The following GPD2 variants were observed in gnomAD, a reference collection of about 807,000 sequenced individuals.
GPD2 encodes the protein glycerol-3-phosphate dehydrogenase 2.
A neutral mutation model predicts 82.4 loss-of-function variants in GPD2; 54 were observed. The ratio of observed to expected loss-of-function variants is 0.66; its 90% CI spans 0.53 to 0.82. The LOEUF (loss-of-function observed/expected upper bound fraction) is 0.82. Among genes scored for constraint, GPD2 ranks in the 40% least tolerant of loss-of-function variants. The pLI, the probability that GPD2 is intolerant of heterozygous loss-of-function variation, is 0.00. For missense variants in GPD2, 748 were observed against 896.2 expected (o/e 0.83, Z 2.11); for synonymous variants, 288 against 306.1 (o/e 0.94, Z 0.62).
intron 6 of GPD2, among the ~76,000 whole-genome samples, chr2:156,540,664 G>T (rs1022136388): frequency 2.6e-5 from 4 of 152,204 alleles, no homozygotes; most frequent in South Asian, 4.1e-4. Flanking sequence ...GAAGTCCTCT[G>T]TAGTAAGATT....
chr2:156,415,745 C>T, the GPD2 span, among the ~76,000 whole-genome samples: 6 of 152,108 alleles, frequency 3.9e-5, no homozygotes, highest in African/African-American at 1.4e-4. Flanking sequence ...ATCCCAGCTA[C>T]TCAGGAGGCT....
upstream of GPD2, among the ~76,000 whole-genome samples, chr2:156,433,218 C>G (rs760762791): frequency 2.6e-5 from 4 of 152,176 alleles, no homozygotes; most frequent in Non-Finnish European, 5.9e-5. Context: ...CAGCCCATTC[C>G]CAAAGCAGAC....
At chr2:156,572,907 A>T (rs1164411383) in intron 13 of GPD2, among the ~76,000 whole-genome samples, 1 of 152,168 alleles carries the variant, frequency 6.6e-6, no homozygotes, top group Non-Finnish European at 1.5e-5. Context: ...TGGGAAGTCC[A>T]AGATCAAGGC....
chr2:156,572,348 A>T (rs1042795779), intron 13 of GPD2, among the ~76,000 whole-genome samples: 1 of 151,596 alleles, frequency 6.6e-6, no homozygotes, highest in African/African-American at 2.4e-5. Flanking sequence ...TTTATTTTTA[A>T]TTTTTTTTTA....
At chr2:156,463,692 C>G (rs11899734) in intron 1 of GPD2, among the ~76,000 whole-genome samples, 4,467 of 152,162 alleles carry the variant, frequency 0.029, 216 homozygotes, top group African/African-American at 0.1. Flanking sequence ...CAGAATACCC[C>G]CTGATGATTT....
At chr2:156,411,365 G>C in the GPD2 span, among the ~76,000 whole-genome samples, 1 of 151,898 alleles carries the variant, frequency 6.6e-6, no homozygotes, top group Non-Finnish European at 1.5e-5. Context: ...ACCCAGGCTG[G>C]AGTGCAATGG....
intron 1 of GPD2, among the ~76,000 whole-genome samples, chr2:156,472,224 T>A (rs1174435498): frequency 1.3e-5 from 2 of 152,158 alleles, no homozygotes; most frequent in Non-Finnish European, 2.9e-5. Flanking sequence ...TGTGAAAACG[T>A]TTCTCCTTAC....
chr2:156,416,148 TACCACAGTTCTTTGGTTGTATATAC>T, the GPD2 span, among the ~76,000 whole-genome samples: 37 of 152,048 alleles, frequency 2.4e-4, no homozygotes, highest in East Asian at 6.8e-3. Context: ...TATATGTATA[TACCACAGTTCTTTGGTTGTATATAC>T]ATATATATAT....
intron 3 of GPD2, among the ~76,000 whole-genome samples, chr2:156,497,324 T>G (rs1425498093): frequency 6.6e-6 from 1 of 152,188 alleles, no homozygotes; most frequent in Non-Finnish European, 1.5e-5. Context: ...CAGTAAATTA[T>G]AGATAGTATT....
chr2:156,544,169 C>G (rs911804280), intron 6 of GPD2, among the ~76,000 whole-genome samples: 7 of 152,102 alleles, frequency 4.6e-5, no homozygotes, highest in African/African-American at 1.7e-4. Flanking sequence ...ACTTGCATTC[C>G]TCTGTGGAGG....
chr2:156,510,799 T>C lies in GPD2; in HGVS notation c.278T>C (p.Leu93Pro). The stretch of plus-strand genomic sequence containing the variant: ...ATTTGGTTTTCTGGTTACACAGGAC[T>C]AAAAACAGCCCTTGTAGAAAGAGAT... ...GCALDAVTRG[L>P]KTALVERDDF... is the part of the protein sequence containing the mutation. The change falls in exon 4 of 17, where the codon CTA becomes CCA. Residue 93 changes from leucine (L) to proline (P), a missense_variant. Physicochemically the swap from Leu to Pro is moderately conservative, Grantham distance 98. Around this residue, in one of 3 missense-constraint regions of GPD2, gnomAD observed 692 missense variants for 809.7 expected, o/e 0.85. Transcript: ENST00000438166. 1 of 1,613,096 alleles carries C rather than the reference T, an allele frequency of 6.2e-7. No homozygotes were observed. Among genetic ancestry groups the C allele is most frequent in the Non-Finnish European group, 8.5e-7 (1 of 1,179,076 alleles).
chr2:156,435,997 C>A (rs1159818761), upstream of GPD2, among the ~76,000 whole-genome samples: 1 of 152,204 alleles, frequency 6.6e-6, no homozygotes, highest in Non-Finnish European at 1.5e-5. Flanking sequence ...TCCGGCATCG[C>A]CGAGGCACAA....
At chr2:156,564,624 G>A (rs1687303491) in intron 9 of GPD2, among the ~76,000 whole-genome samples, 1 of 151,964 alleles carries the variant, frequency 6.6e-6, no homozygotes, top group Non-Finnish European at 1.5e-5. Flanking sequence ...ATAGAGTTTT[G>A]AATCATCCAT....
chr2:156,510,650 A>G, intron 3 of GPD2, 146 bp from the exon 4 acceptor site: 2 of 699,970 alleles, frequency 2.9e-6, no homozygotes, highest in Non-Finnish European at 2.6e-6. Context: ...ATTATAATAT[A>G]GACAGTGTAC....
chr2:156,459,317 C>G (rs937640156), intron 1 of GPD2, among the ~76,000 whole-genome samples: 1 of 151,984 alleles, frequency 6.6e-6, no homozygotes, highest in Non-Finnish European at 1.5e-5. Flanking sequence ...CGCCTACTGT[C>G]CGGTTTAGGT....
intron 1 of GPD2, among the ~76,000 whole-genome samples, chr2:156,455,072 G>C (rs1286257962): frequency 6.6e-6 from 1 of 152,042 alleles, no homozygotes; most frequent in Non-Finnish European, 1.5e-5. Flanking sequence ...GCTGCTCCCA[G>C]GGAGCAGTCA....
chr2:156,532,941 GTC>G (rs1377136774), intron 6 of GPD2, among the ~76,000 whole-genome samples: 1 of 152,320 alleles, frequency 6.6e-6, no homozygotes. Context: ...TCAGAAAGGA[GTC>G]TCTGTTTGCT....
At chr2:156,532,025 A>T (rs1348767585) in intron 6 of GPD2, among the ~76,000 whole-genome samples, 1 of 151,964 alleles carries the variant, frequency 6.6e-6, no homozygotes, top group African/African-American at 2.4e-5. Flanking sequence ...TTTTTAAGTG[A>T]CAAAGTCTCG....
chr2:156,544,864 AAT>A (rs1686469698), intron 6 of GPD2, among the ~76,000 whole-genome samples: 1 of 152,112 alleles, frequency 6.6e-6, no homozygotes, highest in Non-Finnish European at 1.5e-5. Flanking sequence ...CATTCTCCAC[AAT>A]ATCTTTTAAG....
Sources: gnomAD v4.1 joint callset for allele counts (sites outside exome capture counted in the v4.1 genomes callset) on GRCh38, gnomAD v4.1.1 for gene constraint, gnomAD v4.1.1 regional missense constraint, MANE v1.5 for transcripts, NCBI Gene and HGNC (gene_info 2026-07-23, HGNC 2026-07-21) for gene names.